Variants in CELSR1 observed in about 807,000 individuals in gnomAD.
CELSR1 encodes adhesion G protein-coupled receptor C1.
CELSR1 carries 110 observed loss-of-function variants against 249.1 expected under a neutral mutation model. The observed-to-expected ratio is 0.44, with a 90% CI of 0.38 to 0.52. The LOEUF is 0.52. CELSR1 is among the 20% of genes least tolerant of loss of function. The probability of loss-of-function intolerance (pLI) is 0.00; values close to 1 mark genes in which losing one functional copy is unlikely to be tolerated. For synonymous variants in CELSR1, 2,113 were observed against 1,900.0 expected (o/e 1.11, Z -2.92); for missense variants, 4,109 against 4,296.4 (o/e 0.96, Z 1.22).
chr22:46,460,684 A>T (rs1176519552), intron 2 of CELSR1, among the ~76,000 whole-genome samples: 3 of 152,194 alleles, frequency 2.0e-5, no homozygotes, highest in South Asian at 4.1e-4. Context: ...TCCCAGGCAC[A>T]TCTAAGATGC....
rs745727666 is a variant in CELSR1, at chr22:46,417,073, T to C, written c.4612-5314A>G. On this transcript the variant is annotated intron_variant, in intron 5 of 34. Transcript: ENST00000674500. The surrounding 1 kb of genome is among the most constrained non-coding windows in gnomAD (Gnocchi z 4.1). ...TCATATCAAAGAATTCACAGATGGCTGGACCTCAGGAATGTCTGTACAGAG... is the reference window on the plus strand; with the variant it reads ...TCATATCAAAGAATTCACAGATGGCCGGACCTCAGGAATGTCTGTACAGAG... Among the ~76,000 whole-genome samples the C allele has an allele frequency of 1.3e-5, 2 of 152,208 alleles. No homozygotes were observed. Among genetic ancestry groups the C allele is most frequent in the African/African-American group, 4.8e-5 (2 of 41,448 alleles).
chr22:46,519,659 C>G (rs1229923167), intron 1 of CELSR1, among the ~76,000 whole-genome samples: 1 of 152,198 alleles, frequency 6.6e-6, no homozygotes, highest in Non-Finnish European at 1.5e-5. Context: ...CCTCCCATGC[C>G]CCTGAGATGC....
intron 1 of CELSR1, among the ~76,000 whole-genome samples, chr22:46,478,199 C>T (rs1284011977): frequency 6.6e-6 from 1 of 152,228 alleles, no homozygotes; most frequent in Non-Finnish European, 1.5e-5. Context: ...CGGGCCTCTG[C>T]GCCTCCCGAC....
At position 46,527,817 on chromosome 22, in the gene CELSR1, TG is replaced by T. The variant is rs766914388; in HGVS notation, c.3544+5809del. 6.6e-6 allele frequency among the ~76,000 whole-genome samples: 1 copy of T among 152,182 alleles called. No individual in the cohort carries two copies. The highest frequency in any genetic ancestry group is 1.5e-5 in the Non-Finnish European group (1 of 68,036). ...CAATTTAAGATGGTCCGACCCAGGC[TG>T]GGAGCGGTGGCTCACGCCTGTAATC... On this transcript the variant is annotated intron_variant, in intron 1 of 34. Coordinates refer to ENST00000674500, the MANE Select transcript of CELSR1 (RefSeq NM_001378328.1). The surrounding 1 kb of genome is among the most constrained non-coding windows in gnomAD (Gnocchi z 5.5).
chr22:46,473,551 C>T lies in CELSR1; in HGVS notation c.3545-9206G>A, dbSNP rs1284505579. ...TGCACCAAAGCCTGGGGGGCTCCTC[C>T]ACTCTCCCGTCACCAACGCCCCTCG... On this transcript the variant is annotated intron_variant, in intron 1 of 34. Coordinates refer to ENST00000674500, the MANE Select transcript of CELSR1 (RefSeq NM_001378328.1). The surrounding 1 kb of genome is among the most constrained non-coding windows in gnomAD (Gnocchi z 6.6). Among the ~76,000 whole-genome samples the T allele has an allele frequency of 6.6e-6, 1 of 152,156 alleles. No individual in the cohort carries two copies. Among genetic ancestry groups the T allele is most frequent in the Non-Finnish European group, 1.5e-5 (1 of 68,020 alleles).
At chr22:46,507,402 G>A (rs1361246372) in intron 1 of CELSR1, among the ~76,000 whole-genome samples, 2 of 152,006 alleles carry the variant, frequency 1.3e-5, no homozygotes, top group African/African-American at 4.8e-5. Flanking sequence ...AGCAGCCGAG[G>A]CAGGGGGCCC....
chr22:46,482,873 G>C (rs2080279884), intron 1 of CELSR1, among the ~76,000 whole-genome samples: 1 of 152,186 alleles, frequency 6.6e-6, no homozygotes, highest in Non-Finnish European at 1.5e-5. Context: ...ATAGCCTGTA[G>C]ACAAGGGAGT....
intron 1 of CELSR1, among the ~76,000 whole-genome samples, chr22:46,514,543 G>A (rs1045716879): frequency 1.3e-5 from 2 of 152,108 alleles, no homozygotes; most frequent in Non-Finnish European, 2.9e-5. Flanking sequence ...GTGGCCTGAG[G>A]ACACCCCAAC....
Position 46,409,927 on chromosome 22 carries a change from C to T in CELSR1, c.4934-47G>A, listed in dbSNP as rs574687030. 32 of 1,602,928 alleles carry T rather than the reference C, an allele frequency of 2.0e-5. No homozygotes were observed. In the East Asian group the frequency reaches 4.7e-4, roughly 23 times the overall value. ...CAGAGCCTGACTCGGAGGAACCGCC[C>T]GGGGTCCCCGGCGCCAGACGTGGCG... On this transcript the variant is annotated intron_variant, in intron 7 of 34. Coordinates refer to ENST00000674500, the MANE Select transcript of CELSR1 (RefSeq NM_001378328.1). This position sits in a 1 kb window ranked among gnomAD's most constrained non-coding sequence, Gnocchi z 9.8.
At chr22:46,387,611 G>A (rs974686961) in intron 18 of CELSR1, among the ~76,000 whole-genome samples, 9 of 151,924 alleles carry the variant, frequency 5.9e-5, no homozygotes, top group African/African-American at 2.2e-4. Flanking sequence ...TGCCCATCTC[G>A]GCCTCCCAAA....
At chr22:46,366,931 C>T in intron 29 of CELSR1, 62 bp downstream of exon 29, 1 of 1,550,910 alleles carries the variant, frequency 6.4e-7, no homozygotes, top group South Asian at 1.2e-5. Flanking sequence ...CTCGATCACC[C>T]TCCCCCGCCC....
In CELSR1 at chr22:46,468,797, C is replaced by T. The variant is rs1167684564; in HGVS notation, c.3545-4452G>A. Among the ~76,000 whole-genome samples, 3 of 152,236 alleles carry T rather than the reference C, an allele frequency of 2.0e-5. No homozygotes were observed. Among genetic ancestry groups the T allele is most frequent in the Non-Finnish European group, 2.9e-5 (2 of 68,034 alleles). ...ACAATTACAAATTTTTTTAATAGGC[C>T]AGTCTCAGTGGCTCACGTCTGAAAT... On this transcript the variant is annotated intron_variant, in intron 1 of 34. Coordinates refer to ENST00000674500, the MANE Select transcript of CELSR1 (RefSeq NM_001378328.1). The surrounding 1 kb of genome is among the most constrained non-coding windows in gnomAD (Gnocchi z 4.5).
chr22:46,401,936 A>G lies in CELSR1; in HGVS notation c.5227-2034T>C, dbSNP rs907028142. 9.9e-5 allele frequency among the ~76,000 whole-genome samples: 15 copies of G among 152,158 alleles called. No homozygotes were observed. Among genetic ancestry groups the G allele is most frequent in the African/African-American group, 2.9e-4 (12 of 41,530 alleles). Reference sequence around the variant, plus strand: ...ACCCCATCTCTACTAAAAATACAAAAAATTAGCTGGGCGTGGTGGCAGGTG... The same window carrying G: ...ACCCCATCTCTACTAAAAATACAAAGAATTAGCTGGGCGTGGTGGCAGGTG... On this transcript the variant is annotated intron_variant, in intron 9 of 34. Transcript: ENST00000674500. The surrounding 1 kb of genome is among the most constrained non-coding windows in gnomAD (Gnocchi z 4.7).
Position 46,536,502 on chromosome 22 carries a change from G to A in CELSR1, c.669C>T (p.Pro223=), listed in dbSNP as rs779517648. The A allele has an allele frequency of 5.2e-6, 8 of 1,545,154 alleles. No individual in the cohort carries two copies. In the Admixed American group the frequency reaches 1.4e-4, roughly 28 times the overall value. ...GTCGCGCCGGCCCCGCCCGGGCTTC[G>A]GGCAAGTTCGGCGGCAGGGGCGGCG... The part of the protein sequence containing the change: ...SPSPPLPPNL[P]EARAGPARRA... Residue 223 remains proline (P), a synonymous_variant, in exon 1 of 35, where the codon CCC becomes CCT. Coordinates refer to ENST00000674500, the MANE Select transcript of CELSR1 (RefSeq NM_001378328.1).
Position 46,361,555 on chromosome 22 carries a change from C to T in CELSR1, c.*1668G>A, listed in dbSNP as rs2078704840. On this transcript the variant is annotated 3_prime_UTR_variant, in exon 35 of 35. Coordinates refer to ENST00000674500, the MANE Select transcript of CELSR1 (RefSeq NM_001378328.1). Reference sequence around the variant, plus strand: ...GTTTAAAGGGACTAGAGTTTTTTATCTTCGAAAGACCACTCACCTGGTAAG... The same window carrying T: ...GTTTAAAGGGACTAGAGTTTTTTATTTTCGAAAGACCACTCACCTGGTAAG... The T allele has an allele frequency of 1.3e-5, 2 of 152,226 alleles. No individual in the cohort carries two copies. The highest frequency in any genetic ancestry group is 4.1e-4 in the South Asian group (2 of 4,834). The allele number at this position is 152,226 out of a possible 1,614,324, so 9.4% of individuals were successfully genotyped here. A position where few individuals can be genotyped will look rare whatever the true frequency, so the allele number is the denominator to read the frequency against.
chr22:46,410,517 T>C lies in CELSR1; in HGVS notation c.4814A>G (p.Asn1605Ser). The change falls in exon 7 of 35, where the codon AAC (asparagine) becomes AGC (serine). Residue 1605 changes from asparagine (N) to serine (S), a missense_variant. Coordinates refer to ENST00000674500, the MANE Select transcript of CELSR1 (RefSeq NM_001378328.1). This position sits in a 1 kb window ranked among gnomAD's most constrained non-coding sequence, Gnocchi z 6.8. ...TGPLLLGGVP[N>S]LPEDFPVHNR... Reference sequence around the variant, plus strand: ...GTGCACTGGGAAGTCTTCTGGCAGGTTGGGGACACCCCCCAGGAGTAGAGG... The same window carrying C: ...GTGCACTGGGAAGTCTTCTGGCAGGCTGGGGACACCCCCCAGGAGTAGAGG... The C allele has an allele frequency of 6.2e-7, 1 of 1,613,982 alleles. No homozygotes were observed. Among genetic ancestry groups the C allele is most frequent in the South Asian group, 1.1e-5 (1 of 91,076 alleles).
At chr22:46,383,154 G>A (rs2078997854) in intron 20 of CELSR1, among the ~76,000 whole-genome samples, 1 of 152,188 alleles carries the variant, frequency 6.6e-6, no homozygotes, top group South Asian at 2.1e-4. Context: ...AGAGCTGGCT[G>A]CAATGGAGAG....
At chr22:46,432,701 T>G (rs1301462961) in intron 5 of CELSR1, among the ~76,000 whole-genome samples, 1 of 152,228 alleles carries the variant, frequency 6.6e-6, no homozygotes, top group Admixed American at 6.5e-5. Context: ...GCTCGCCAGT[T>G]ACATCCAGGT....
chr22:46,383,097 G>C (rs1176014808), intron 20 of CELSR1, among the ~76,000 whole-genome samples: 1 of 152,078 alleles, frequency 6.6e-6, no homozygotes, highest in Non-Finnish European at 1.5e-5. Context: ...ATGGCTTGGT[G>C]CCCCGCCCTT....
Sources: allele counts gnomAD v4.1 joint callset (sites outside exome capture counted in the v4.1 genomes callset), GRCh38; gene constraint gnomAD v4.1.1; non-coding constraint Gnocchi (gnomAD v3.1); transcripts MANE v1.5; gene names NCBI Gene and HGNC (gene_info 2026-07-23, HGNC 2026-07-21).